The following ANXA8 variants were observed in gnomAD, a reference collection of about 807,000 sequenced individuals.
The protein encoded by ANXA8 is VAC-beta.
Under a neutral mutation model 26.8 loss-of-function variants are expected in ANXA8, and 9 were observed. The observed-to-expected ratio is 0.34, with a 90% CI of 0.20 to 0.59. ANXA8 has a LOEUF of 0.59. Ranked by LOEUF, ANXA8 falls within the 20% of genes least tolerant of loss-of-function variation. The pLI, the probability that ANXA8 is intolerant of heterozygous loss-of-function variation, is 0.84. For synonymous variants in ANXA8, 39 were observed against 94.8 expected (o/e 0.41, Z 3.42); for missense variants, 83 against 238.5 (o/e 0.35, Z 4.29).
chr10:47,968,239 A>T, the ANXA8 span, among the ~76,000 whole-genome samples: 1 of 150,504 alleles, frequency 6.6e-6, no homozygotes, highest in Non-Finnish European at 1.5e-5. Context: ...TTGTTTCCTA[A>T]TTAAAATCTG....
At chr10:47,619,759 G>A in the ANXA8 span, among the ~76,000 whole-genome samples, 1 of 113,842 alleles carries the variant, frequency 8.8e-6, no homozygotes, top group African/African-American at 3.3e-5. Flanking sequence ...AGAGTGATAA[G>A]GAATAATAAA....
At chr10:47,670,481 G>A in the ANXA8 span, among the ~76,000 whole-genome samples, 1 of 152,102 alleles carries the variant, frequency 6.6e-6, no homozygotes, top group Non-Finnish European at 1.5e-5. Context: ...ATTCCTATTA[G>A]CAATACACAA....
chr10:47,743,313 C>CACACATATATATACATATATATAT, the ANXA8 span, among the ~76,000 whole-genome samples: 1 of 27,550 alleles, frequency 3.6e-5, no homozygotes, highest in Non-Finnish European at 8.3e-5. Flanking sequence ...TATATATATA[C>CACACATATATATACATATATATAT]ACATATATAT....
the ANXA8 span, among the ~76,000 whole-genome samples, chr10:47,600,376 G>A: frequency 2.0e-5 from 3 of 149,232 alleles, no homozygotes; most frequent in Non-Finnish European, 3.0e-5. Flanking sequence ...GCCCCACCCC[G>A]GGGCGGCCTG....
At chr10:47,623,973 A>G in the ANXA8 span, among the ~76,000 whole-genome samples, 1 of 97,732 alleles carries the variant, frequency 1.0e-5, no homozygotes, top group African/African-American at 4.1e-5. Context: ...GCAGTGGCTG[A>G]TGCCTGTGAT....
chr10:47,983,052 T>C, the ANXA8 span, among the ~76,000 whole-genome samples: 1 of 96,434 alleles, frequency 1.0e-5, no homozygotes, highest in Non-Finnish European at 2.2e-5. Context: ...TACACACCCA[T>C]TAGGATGGCT....
the ANXA8 span, among the ~76,000 whole-genome samples, chr10:47,567,564 G>A: frequency 6.6e-6 from 1 of 151,600 alleles, no homozygotes; most frequent in Admixed American, 6.6e-5. Context: ...TTCACCCACA[G>A]CCCTGTGTTC....
intron 1 of ANXA8, among the ~76,000 whole-genome samples, chr10:47,480,993 G>T (rs1411558002): frequency 1.1e-5 from 1 of 88,374 alleles, no homozygotes; most frequent in Non-Finnish European, 2.2e-5. Context: ...AAGAGGTAAG[G>T]CATCTTTCTG....
At chr10:47,679,042 C>CA in the ANXA8 span, among the ~76,000 whole-genome samples, 6,593 of 63,674 alleles carry the variant, frequency 0.1, 13 homozygotes, top group African/African-American at 0.19. Context: ...GAACCTATCT[C>CA]AAAAAAAAAA....
At chr10:47,624,478 T>A in the ANXA8 span, among the ~76,000 whole-genome samples, 1 of 110,962 alleles carries the variant, frequency 9.0e-6, no homozygotes, top group African/African-American at 3.1e-5. Flanking sequence ...AAATAAAGTT[T>A]CCAAACTGAT....
chr10:47,490,122 G>T, the ANXA8 span, among the ~76,000 whole-genome samples: 5 of 149,004 alleles, frequency 3.4e-5, no homozygotes, highest in African/African-American at 1.2e-4. Context: ...GCCTGCCTCA[G>T]GTTGGTTTCC....
At chr10:47,492,149 A>G in the ANXA8 span, among the ~76,000 whole-genome samples, 5 of 150,496 alleles carry the variant, frequency 3.3e-5, no homozygotes, top group Admixed American at 6.6e-5. Context: ...CAGTCCTTTG[A>G]GTCATGAACA....
the ANXA8 span, among the ~76,000 whole-genome samples, chr10:47,687,263 CA>C: frequency 6.7e-6 from 1 of 148,926 alleles, no homozygotes; most frequent in African/African-American, 2.5e-5. Context: ...TTCCCACCAA[CA>C]TTTTTTTTTT....
the ANXA8 span, among the ~76,000 whole-genome samples, chr10:47,581,027 G>C: frequency 6.7e-6 from 1 of 150,282 alleles, no homozygotes; most frequent in African/African-American, 2.5e-5. Context: ...AGTGAGGCGA[G>C]ATCACGCCGC....
chr10:47,896,091 C>T, the ANXA8 span, among the ~76,000 whole-genome samples: 1 of 150,710 alleles, frequency 6.6e-6, no homozygotes, highest in Non-Finnish European at 1.5e-5. Context: ...AAATACTACA[C>T]ATACGAAGCC....
At chr10:47,671,359 C>T in the ANXA8 span, among the ~76,000 whole-genome samples, 1 of 151,852 alleles carries the variant, frequency 6.6e-6, no homozygotes, top group East Asian at 1.9e-4. Context: ...GAGGTCAAGG[C>T]TGTGGTGAGC....
chr10:47,740,687 A>C, the ANXA8 span, among the ~76,000 whole-genome samples: 45 of 127,072 alleles, frequency 3.5e-4, no homozygotes, highest in Non-Finnish European at 6.6e-4. Flanking sequence ...GTGAATCAGC[A>C]GTTTATTCTT....
At chr10:47,732,714 T>C in the ANXA8 span, among the ~76,000 whole-genome samples, 1 of 147,526 alleles carries the variant, frequency 6.8e-6, no homozygotes, top group Non-Finnish European at 1.5e-5. Flanking sequence ...CTGTGCTGTT[T>C]CATTTTACAT....
chr10:47,534,507 A>G, the ANXA8 span, among the ~76,000 whole-genome samples: 1 of 139,644 alleles, frequency 7.2e-6, no homozygotes, highest in African/African-American at 2.7e-5. Flanking sequence ...CTAAATGTCT[A>G]TTCGAATCCA....
Sources: gnomAD v4.1 joint callset for allele counts (sites outside exome capture counted in the v4.1 genomes callset) on GRCh38, gnomAD v4.1.1 for gene constraint, MANE v1.5 for transcripts, NCBI Gene and HGNC (gene_info 2026-07-23, HGNC 2026-07-21) for gene names.